The following ERBB4 variants were observed in gnomAD, a reference collection of about 807,000 sequenced individuals.
The protein encoded by ERBB4 is receptor tyrosine-protein kinase erbB-4.
Under a neutral mutation model 158.0 loss-of-function variants are expected in ERBB4, and 42 were observed. The ratio of observed to expected loss-of-function variants is 0.27; its 90% CI spans 0.21 to 0.34. ERBB4 has a LOEUF of 0.34. Among genes scored for constraint, ERBB4 ranks in the 10% least tolerant of loss-of-function variants. The probability of loss-of-function intolerance (pLI) is 1.00; values close to 1 mark genes in which losing one functional copy is unlikely to be tolerated. For synonymous variants in ERBB4, 583 were observed against 558.7 expected (o/e 1.04, Z -0.61); for missense variants, 1,333 against 1,624.1 (o/e 0.82, Z 3.08).
At chr2:212,241,773 A>T (rs779602390) in intron 1 of ERBB4, among the ~76,000 whole-genome samples, 3 of 152,150 alleles carry the variant, frequency 2.0e-5, no homozygotes, top group Non-Finnish European at 2.9e-5. Flanking sequence ...AACCTCAACA[A>T]AGTAAGTGTT....
chr2:212,241,893 C>A (rs2084120806), intron 1 of ERBB4, among the ~76,000 whole-genome samples: 1 of 151,750 alleles, frequency 6.6e-6, no homozygotes, highest in African/African-American at 2.4e-5. Context: ...ACAAGATGAT[C>A]TAAATTTATT....
chr2:212,496,930 A>T (rs1690607605), intron 1 of ERBB4, among the ~76,000 whole-genome samples: 2 of 152,144 alleles, frequency 1.3e-5, no homozygotes, highest in African/African-American at 4.8e-5. Flanking sequence ...CTGTAATCCC[A>T]GCACTTTGGG....
intron 1 of ERBB4, among the ~76,000 whole-genome samples, chr2:212,412,343 G>A (rs552839529): frequency 6.2e-4 from 95 of 152,288 alleles, no homozygotes; most frequent in African/African-American, 2.2e-3. Context: ...GATAAGGACG[G>A]TGTTTCCCTC....
At chr2:212,263,203 G>A (rs1046806769) in intron 1 of ERBB4, among the ~76,000 whole-genome samples, 2 of 152,056 alleles carry the variant, frequency 1.3e-5, no homozygotes, top group Non-Finnish European at 2.9e-5. Context: ...CGTGTGACAG[G>A]TTCTGCTTGA....
chr2:212,036,174 T>C (rs939354123), intron 2 of ERBB4, among the ~76,000 whole-genome samples: 13 of 152,172 alleles, frequency 8.5e-5, no homozygotes, highest in African/African-American at 3.1e-4. Context: ...AGGTTCATAT[T>C]GAGAAGACAG....
intron 12 of ERBB4, among the ~76,000 whole-genome samples, chr2:211,696,036 C>T (rs933964788): frequency 7.1e-6 from 1 of 141,684 alleles, no homozygotes; most frequent in Admixed American, 7.1e-5. Flanking sequence ...TCCTTCCTTC[C>T]CTCCTTCCCC....
rs1246499030 is a variant in ERBB4 at position 211,712,258 on chromosome 2, C to T, written c.998-82G>A. 14 of 1,318,926 alleles carry T rather than the reference C, an allele frequency of 1.1e-5. No homozygotes were observed. The South Asian group carries it at 1.6e-4, about 15-fold the overall frequency. 81.7% of individuals were successfully genotyped at this position (1,318,926 alleles called of 1,614,324 possible). A position where few individuals can be genotyped will look rare whatever the true frequency, so the allele number is the denominator to read the frequency against. On this transcript the variant is annotated intron_variant, in intron 8 of 27. Coordinates refer to ENST00000342788, the MANE Select transcript of ERBB4 (RefSeq NM_005235.3). ...TCATTGCATCTTCATTATAAAATAG[C>T]AGAGTATTTTTAATTGTAACATATA...
intron 20 of ERBB4, among the ~76,000 whole-genome samples, chr2:211,500,817 T>G (rs1472035358): frequency 6.6e-6 from 1 of 152,106 alleles, no homozygotes; most frequent in Non-Finnish European, 1.5e-5. Context: ...GAGCACTGGT[T>G]TGCCAGGTCA....
At chr2:212,252,686 A>C (rs1157510811) in intron 1 of ERBB4, among the ~76,000 whole-genome samples, 1 of 152,106 alleles carries the variant, frequency 6.6e-6, no homozygotes, top group Non-Finnish European at 1.5e-5. Flanking sequence ...GATAAATATC[A>C]TCCTTTTATG....
intron 1 of ERBB4, among the ~76,000 whole-genome samples, chr2:212,173,129 T>C (rs2081569247): frequency 6.6e-6 from 1 of 152,062 alleles, no homozygotes; most frequent in Non-Finnish European, 1.5e-5. Context: ...ACTTAATTGA[T>C]CTCTTATTAT....
intron 25 of ERBB4, among the ~76,000 whole-genome samples, chr2:211,415,323 G>C (rs1231693048): frequency 6.6e-6 from 1 of 151,406 alleles, no homozygotes; most frequent in Admixed American, 6.6e-5. Context: ...GTTTCACCGC[G>C]TTAGCCAGGA....
chr2:211,784,290 T>C (rs540315510), intron 4 of ERBB4, among the ~76,000 whole-genome samples: 1 of 152,350 alleles, frequency 6.6e-6, no homozygotes, highest in South Asian at 2.1e-4. Context: ...ACCACCATTC[T>C]ACATTCTGTT....
intron 20 of ERBB4, among the ~76,000 whole-genome samples, chr2:211,442,847 T>C (rs922957583): frequency 6.6e-6 from 1 of 152,050 alleles, no homozygotes; most frequent in African/African-American, 2.4e-5. Context: ...GAAAGCTATA[T>C]TTTTTCGGCT....
chr2:211,884,037 C>G (rs2078732015), intron 3 of ERBB4, among the ~76,000 whole-genome samples: 2 of 152,020 alleles, frequency 1.3e-5, no homozygotes, highest in Admixed American at 1.3e-4. Context: ...TATAAATGAA[C>G]CTAAGTTCTG....
At chr2:211,437,422 C>G (rs926929768) in intron 20 of ERBB4, among the ~76,000 whole-genome samples, 1 of 152,170 alleles carries the variant, frequency 6.6e-6, no homozygotes, top group African/African-American at 2.4e-5. Context: ...TGGAAAAGAA[C>G]AGAGAATGAC....
At chr2:211,700,536 T>C (rs2106028661) in intron 12 of ERBB4, among the ~76,000 whole-genome samples, 1 of 152,280 alleles carries the variant, frequency 6.6e-6, no homozygotes, top group East Asian at 1.9e-4. Flanking sequence ...AGAGAATTCC[T>C]CACAAATTAT....
chr2:212,233,531 A>G (rs2083739876), intron 1 of ERBB4, among the ~76,000 whole-genome samples: 1 of 152,172 alleles, frequency 6.6e-6, no homozygotes, highest in Non-Finnish European at 1.5e-5. Context: ...ATTAAGAAAC[A>G]TAAGGATCTG....
intron 2 of ERBB4, among the ~76,000 whole-genome samples, chr2:212,007,753 GAGA>G (rs1397441885): frequency 4.0e-5 from 6 of 151,860 alleles, no homozygotes; most frequent in African/African-American, 1.4e-4. Context: ...GAAGTTACCT[GAGA>G]AGAATATTAA....
chr2:211,605,982 C>A (rs1416581005), intron 19 of ERBB4, among the ~76,000 whole-genome samples: 2 of 151,934 alleles, frequency 1.3e-5, no homozygotes, highest in Non-Finnish European at 2.9e-5. Flanking sequence ...TTATAAAATT[C>A]TCTTTAAAAG....
Sources: gnomAD v4.1 joint callset for allele counts (sites outside exome capture counted in the v4.1 genomes callset) on GRCh38, gnomAD v4.1.1 for gene constraint, MANE v1.5 for transcripts, NCBI Gene and HGNC (gene_info 2026-07-23, HGNC 2026-07-21) for gene names.